Variants in SLC44A5 observed in about 807,000 individuals in gnomAD.
The protein encoded by SLC44A5 is solute carrier family 44 member 5, also known as choline transporter-like protein 5.
A neutral mutation model predicts 101.8 loss-of-function variants in SLC44A5; 57 were observed. The observed-to-expected ratio is 0.56, with a 90% CI of 0.45 to 0.70. The LOEUF (loss-of-function observed/expected upper bound fraction) is 0.70. Among genes scored for constraint, SLC44A5 ranks in the 30% least tolerant of loss-of-function variants. SLC44A5 has a pLI of 0.00. For missense variants in SLC44A5, 737 were observed against 853.1 expected (o/e 0.86, Z 1.70); for synonymous variants, 281 against 290.9 (o/e 0.97, Z 0.35).
chr1:75,542,780 C>T (rs1053553872), intron 1 of SLC44A5, among the ~76,000 whole-genome samples: 1 of 151,960 alleles, frequency 6.6e-6, no homozygotes, highest in Non-Finnish European at 1.5e-5. Flanking sequence ...TTTGTATTCA[C>T]CTTTTGATTA....
At chr1:75,704,201 G>T in the SLC44A5 span, among the ~76,000 whole-genome samples, 2 of 152,088 alleles carry the variant, frequency 1.3e-5, no homozygotes, top group Non-Finnish European at 2.9e-5. Context: ...ACAACCATAG[G>T]ATTATTAGGT....
At chr1:75,375,916 T>G (rs1041886083) in intron 3 of SLC44A5, among the ~76,000 whole-genome samples, 1 of 152,166 alleles carries the variant, frequency 6.6e-6, no homozygotes, top group Non-Finnish European at 1.5e-5. Flanking sequence ...TGCATTTCCA[T>G]CTGAGGTACC....
At chr1:75,398,928 AC>A (rs1478479939) in intron 2 of SLC44A5, among the ~76,000 whole-genome samples, 3 of 150,454 alleles carry the variant, frequency 2.0e-5, no homozygotes, top group Non-Finnish European at 3.0e-5. Flanking sequence ...TTGGACATTC[AC>A]CCTGCCTGCT....
intron 1 of SLC44A5, among the ~76,000 whole-genome samples, chr1:75,555,796 T>G (rs1672183388): frequency 6.6e-6 from 1 of 152,116 alleles, no homozygotes; most frequent in Non-Finnish European, 1.5e-5. Context: ...ATACTTCATG[T>G]AATAAAATAT....
At chr1:75,342,777 T>C (rs1312791044) in intron 3 of SLC44A5, among the ~76,000 whole-genome samples, 1 of 152,182 alleles carries the variant, frequency 6.6e-6, no homozygotes, top group African/African-American at 2.4e-5. Context: ...TGGATTGCAG[T>C]GTAAATGAAA....
chr1:75,507,842 T>TA lies in SLC44A5; in HGVS notation c.13+33592dup, dbSNP rs1409673032. 3.9e-5 allele frequency among the ~76,000 whole-genome samples: 6 copies of TA among 152,090 alleles called. No individual in the cohort carries two copies. In the East Asian group the frequency reaches 7.7e-4, roughly 20 times the overall value. On this transcript the variant is annotated intron_variant, in intron 2 of 23. Coordinates refer to ENST00000370859, the MANE Select transcript of SLC44A5 (RefSeq NM_001130058.2). ...TACTTTTTAGTTTGTGTGAATAGAGTACCCACTCAACATTGGAACACCCAG... is the reference window on the plus strand; with the variant it reads ...TACTTTTTAGTTTGTGTGAATAGAGTAACCCACTCAACATTGGAACACCCAG...
chr1:75,366,132 A>C (rs1414436747), intron 3 of SLC44A5, among the ~76,000 whole-genome samples: 1 of 152,170 alleles, frequency 6.6e-6, no homozygotes, highest in African/African-American at 2.4e-5. Flanking sequence ...AGTTAGTTTT[A>C]TACTTTCATG....
intron 20 of SLC44A5, 135 bp from the exon 21 acceptor site, chr1:75,214,124 G>C (rs1646915194): frequency 1.6e-6 from 1 of 642,438 alleles, no homozygotes; most frequent in Admixed American, 3.0e-5. Flanking sequence ...TGTTTTGCAA[G>C]AAATGATGGT....
At chr1:75,648,317 T>C in the SLC44A5 span, among the ~76,000 whole-genome samples, 2 of 152,284 alleles carry the variant, frequency 1.3e-5, no homozygotes, top group African/African-American at 4.8e-5. Flanking sequence ...TGTGAGTCAA[T>C]TAAATCTTTT....
At chr1:75,657,712 G>A in the SLC44A5 span, among the ~76,000 whole-genome samples, 4,822 of 152,140 alleles carry the variant, frequency 0.032, 259 homozygotes, top group African/African-American at 0.11. Flanking sequence ...GGTCAATTCA[G>A]TAAGAAAATA....
At chr1:75,591,118 A>T (rs1557940871) in intron 1 of SLC44A5, among the ~76,000 whole-genome samples, 2 of 152,180 alleles carry the variant, frequency 1.3e-5, no homozygotes, top group African/African-American at 2.4e-5. Flanking sequence ...AATAAACAAG[A>T]GTCTCTGCCT....
At chr1:75,478,905 T>C (rs1345683485) in intron 2 of SLC44A5, among the ~76,000 whole-genome samples, 2 of 152,194 alleles carry the variant, frequency 1.3e-5, no homozygotes, top group African/African-American at 4.8e-5. Context: ...GAGGACCTAA[T>C]AGACATCTAC....
the SLC44A5 span, among the ~76,000 whole-genome samples, chr1:75,673,512 C>A: frequency 6.6e-6 from 1 of 152,142 alleles, no homozygotes; most frequent in Non-Finnish European, 1.5e-5. Flanking sequence ...AAGGGAAAGA[C>A]ACAAGCCTGA....
At chr1:75,494,117 G>T (rs762391246) in intron 2 of SLC44A5, among the ~76,000 whole-genome samples, 1 of 152,124 alleles carries the variant, frequency 6.6e-6, no homozygotes, top group Non-Finnish European at 1.5e-5. Flanking sequence ...ATTATCAAAG[G>T]GTGAGTGTGG....
At chr1:75,220,773 C>T (rs972275865) in intron 14 of SLC44A5, among the ~76,000 whole-genome samples, 6 of 152,120 alleles carry the variant, frequency 3.9e-5, no homozygotes, top group Non-Finnish European at 4.4e-5. Flanking sequence ...AAAATCTTAT[C>T]ACTCCTAATG....
chr1:75,335,226 G>A (rs1030949754), intron 4 of SLC44A5, among the ~76,000 whole-genome samples: 9 of 152,224 alleles, frequency 5.9e-5, no homozygotes, highest in African/African-American at 2.2e-4. Context: ...CATTTCTGCA[G>A]GGTCTGAATA....
chr1:75,428,274 C>T (rs1664424162), intron 2 of SLC44A5, among the ~76,000 whole-genome samples: 1 of 152,176 alleles, frequency 6.6e-6, no homozygotes, highest in Non-Finnish European at 1.5e-5. Flanking sequence ...ATAATATTTC[C>T]TATTCAAGTG....
intron 2 of SLC44A5, among the ~76,000 whole-genome samples, chr1:75,459,169 C>G (rs796589681): frequency 1.3e-5 from 2 of 152,150 alleles, no homozygotes; most frequent in Non-Finnish European, 2.9e-5. Context: ...GTCACAAGGA[C>G]GTCTGCTCTA....
At chr1:75,387,691 C>A (rs1321543938) in intron 3 of SLC44A5, among the ~76,000 whole-genome samples, 1 of 101,970 alleles carries the variant, frequency 9.8e-6, no homozygotes, top group African/African-American at 3.9e-5. Flanking sequence ...TACCATTTGA[C>A]CCAGCCATCC....
Sources: allele counts gnomAD v4.1 joint callset (sites outside exome capture counted in the v4.1 genomes callset), GRCh38; gene constraint gnomAD v4.1.1; transcripts MANE v1.5; gene names NCBI Gene and HGNC (gene_info 2026-07-23, HGNC 2026-07-21).